The following SAMD12 variants were observed in gnomAD, a reference collection of about 807,000 sequenced individuals.
SAMD12 encodes sterile alpha motif domain-containing protein 12.
A neutral mutation model predicts 15.0 loss-of-function variants in SAMD12; 9 were observed. The observed-to-expected ratio is 0.60, with a 90% CI of 0.36 to 1.05. The LOEUF is 1.05. Among genes scored for constraint, SAMD12 ranks in the 50% least tolerant of loss-of-function variants. The probability of loss-of-function intolerance (pLI) is 0.01; values close to 1 mark genes in which losing one functional copy is unlikely to be tolerated. For missense variants in SAMD12, 230 were observed against 234.2 expected (o/e 0.98, Z 0.12); for synonymous variants, 86 against 90.1 (o/e 0.96, Z 0.25).
intron 2 of SAMD12, among the ~76,000 whole-genome samples, chr8:118,570,659 G>T (rs1198327691): frequency 6.6e-6 from 1 of 152,126 alleles, no homozygotes; most frequent in Non-Finnish European, 1.5e-5. Context: ...GAATAGTGCT[G>T]CAATGAACAT....
At chr8:118,179,441 A>G in the SAMD12 span, among the ~76,000 whole-genome samples, 5 of 132,250 alleles carry the variant, frequency 3.8e-5, no homozygotes, top group South Asian at 1.1e-3. Context: ...CCGTCTCCGA[A>G]AAAAAAAAAA....
At chr8:118,311,396 T>C (rs1408102856) in intron 4 of SAMD12, among the ~76,000 whole-genome samples, 2 of 152,226 alleles carry the variant, frequency 1.3e-5, no homozygotes, top group Non-Finnish European at 2.9e-5. Flanking sequence ...CATATGTCTG[T>C]GGTTGCTTTT....
chr8:118,268,968 C>T (rs1310654808), intron 4 of SAMD12, among the ~76,000 whole-genome samples: 4 of 152,060 alleles, frequency 2.6e-5, no homozygotes, highest in East Asian at 1.9e-4. Flanking sequence ...GCCACCAACC[C>T]GAGTGTGAGC....
intron 4 of SAMD12, among the ~76,000 whole-genome samples, chr8:118,239,092 C>G (rs1426171658): frequency 6.6e-6 from 1 of 152,024 alleles, no homozygotes; most frequent in Non-Finnish European, 1.5e-5. Flanking sequence ...CCAGGGTATT[C>G]TTATGCCATG....
intron 3 of SAMD12, among the ~76,000 whole-genome samples, chr8:118,428,213 G>C (rs1173774129): frequency 1.3e-5 from 2 of 151,906 alleles, no homozygotes; most frequent in Non-Finnish European, 2.9e-5. Context: ...TCTCTGGCTT[G>C]GCTTTTTCAT....
intron 4 of SAMD12, among the ~76,000 whole-genome samples, chr8:118,260,657 C>T (rs945462040): frequency 2.6e-5 from 4 of 152,106 alleles, no homozygotes; most frequent in Non-Finnish European, 5.9e-5. Context: ...ATGGGCAGTA[C>T]CAGCAGGAGT....
At chr8:118,592,587 A>ATACATAGAAAGTGG (rs1472254408) in intron 1 of SAMD12, among the ~76,000 whole-genome samples, 2 of 152,236 alleles carry the variant, frequency 1.3e-5, no homozygotes, top group Non-Finnish European at 2.9e-5. Context: ...TGTTTAGTCA[A>ATACATAGAAAGTGG]TACATAGAAA....
rs149201910 is a variant in SAMD12, at chr8:118,370,129, T to G, written c.433+9431A>C. ...CCCATTAAAAAGTGGGCAAAGGACA[T>G]GAACAGACACTTCTCAAAAGAAGAC... On this transcript the variant is annotated intron_variant, in intron 4 of 4. Coordinates refer to the SAMD12 transcript ENST00000409003. Among the ~76,000 whole-genome samples, 276 of 152,106 alleles carry G rather than the reference T, an allele frequency of 1.8e-3. 2 individuals carry two copies. In the East Asian group the frequency reaches 0.033, roughly 18 times the overall value.
At chr8:118,400,219 C>T (rs1398153367) in intron 3 of SAMD12, 4 of 152,128 alleles carry the variant, frequency 2.6e-5, no homozygotes, top group Non-Finnish European at 4.4e-5. Context: ...GTGCTCGACA[C>T]GAATTATCCC....
chr8:118,224,158 G>A (rs2451168), intron 4 of SAMD12, among the ~76,000 whole-genome samples: 83,997 of 151,986 alleles, frequency 0.55, 24,124 homozygotes, highest in Non-Finnish European at 0.63. Flanking sequence ...CACACTGAAC[G>A]GGTAAGGTGG....
At chr8:118,610,064 A>G (rs796422060) in intron 1 of SAMD12, among the ~76,000 whole-genome samples, 5 of 152,330 alleles carry the variant, frequency 3.3e-5, no homozygotes, top group African/African-American at 1.2e-4. Flanking sequence ...GCAAGTGCAC[A>G]ATGAATACTT....
At chr8:118,415,183 G>T (rs1418131866) in intron 3 of SAMD12, among the ~76,000 whole-genome samples, 1 of 152,094 alleles carries the variant, frequency 6.6e-6, no homozygotes, top group Admixed American at 6.5e-5. Context: ...CAACTGAAAG[G>T]TTCCATCACC....
At chr8:118,278,293 T>C (rs73709242) in intron 4 of SAMD12, among the ~76,000 whole-genome samples, 3,379 of 152,294 alleles carry the variant, frequency 0.022, 141 homozygotes, top group African/African-American at 0.077. Context: ...TAAACTGTTA[T>C]TGAAGGTGAC....
intron 2 of SAMD12, among the ~76,000 whole-genome samples, chr8:118,484,733 C>T (rs1805433969): frequency 1.3e-5 from 2 of 152,148 alleles, no homozygotes; most frequent in East Asian, 1.9e-4. Flanking sequence ...GTTGCCAGCA[C>T]ATTTCTGTCA....
intron 4 of SAMD12, chr8:118,288,145 T>G (rs915332301): frequency 6.6e-6 from 1 of 152,216 alleles, no homozygotes; most frequent in Non-Finnish European, 1.5e-5. Flanking sequence ...CTATTAACTA[T>G]GATGATGGAC....
intron 2 of SAMD12, among the ~76,000 whole-genome samples, chr8:118,487,601 T>C (rs1264314022): frequency 1.3e-5 from 2 of 152,246 alleles, no homozygotes; most frequent in East Asian, 1.9e-4. Context: ...ATTGAGCCTT[T>C]AACCTAATAA....
intron 4 of SAMD12, among the ~76,000 whole-genome samples, chr8:118,232,563 C>T (rs188957096): frequency 7.2e-5 from 11 of 152,092 alleles, no homozygotes; most frequent in African/African-American, 2.7e-4. Flanking sequence ...ATTAGAACAC[C>T]AGGCTGAGAG....
At chr8:118,293,233 C>G (rs1814516429) in intron 4 of SAMD12, among the ~76,000 whole-genome samples, 1 of 152,126 alleles carries the variant, frequency 6.6e-6, no homozygotes, top group African/African-American at 2.4e-5. Context: ...CAGACCTAGT[C>G]CCCTAAGTTT....
chr8:118,616,354 A>T (rs535245003), intron 1 of SAMD12, among the ~76,000 whole-genome samples: 1 of 146,602 alleles, frequency 6.8e-6, no homozygotes, highest in South Asian at 2.1e-4. Flanking sequence ...TCAAGCTTCA[A>T]GGATGAGACA....
Sources: gnomAD v4.1 joint callset for allele counts (sites outside exome capture counted in the v4.1 genomes callset) on GRCh38, gnomAD v4.1.1 for gene constraint, MANE v1.5 for transcripts, NCBI Gene and HGNC (gene_info 2026-07-23, HGNC 2026-07-21) for gene names.